ZNF143: variants seen among roughly 807,000 people sequenced by gnomAD.
ZNF143 encodes the protein SPH-binding factor.
In ZNF143, 49 loss-of-function variants were observed where a neutral mutation model predicts 74.1. The observed-to-expected ratio is 0.66, with a 90% confidence interval of 0.53 to 0.84. ZNF143 has a LOEUF of 0.84. ZNF143 is among the 40% of genes least tolerant of loss of function. The pLI, the probability that ZNF143 is intolerant of heterozygous loss-of-function variation, is 0.00. For synonymous variants in ZNF143, 304 were observed against 282.8 expected, an observed-to-expected ratio of 1.07 and a Z score of -0.75; for missense variants, 637 against 793.4, an observed-to-expected ratio of 0.80 and a Z score of 2.37.
rs144009738 is a variant in ZNF143 at position 9,500,672 on chromosome 11, G to A, written c.968-419G>A. The stretch of plus-strand genomic sequence containing the variant: ...CTGGTCAAAACACCATATTTTTAAA[G>A]AGCAAAAATTATTTTCCTGCAAGAT... On this transcript the variant is annotated intron_variant, in intron 10 of 15. Transcript: ENST00000396602. Among the ~76,000 whole-genome samples, 3 of 152,254 alleles carry A rather than the reference G, an allele frequency of 2.0e-5. No individual in the cohort carries two copies. The East Asian group carries it at 5.8e-4, about 29-fold the overall frequency.
At chr11:9,483,401 A>G (rs115009526) in intron 7 of ZNF143, among the ~76,000 whole-genome samples, 2,519 of 142,620 alleles carry the variant, frequency 0.018, 159 homozygotes, top group African/African-American at 0.063. Flanking sequence ...CAGTTCAAGC[A>G]GTTCTCCTGC....
chr11:9,489,808 A>G (rs9988896), intron 7 of ZNF143, among the ~76,000 whole-genome samples: 7,972 of 152,256 alleles, frequency 0.052, 273 homozygotes, highest in South Asian at 0.075. Flanking sequence ...GGAGTCTTCA[A>G]TTGAAATCTG....
rs1433358615 is a variant in ZNF143, at chr11:9,467,329, G to A, written c.-7-3973G>A. 9.9e-5 allele frequency among the ~76,000 whole-genome samples: 15 copies of A among 151,498 alleles called. No homozygotes were observed. The South Asian group carries it at 1.7e-3, about 17-fold the overall frequency. On this transcript the variant is annotated intron_variant, in intron 1 of 15. Transcript: ENST00000396602. ...TGGCTCACTGCTGCCTCCACCCTCCGGGTTCAAGTGATTCTCCTGCCTCAG... is the reference window on the plus strand; with the variant it reads ...TGGCTCACTGCTGCCTCCACCCTCCAGGTTCAAGTGATTCTCCTGCCTCAG...
intron 1 of ZNF143, among the ~76,000 whole-genome samples, chr11:9,465,219 C>T (rs1046165888): frequency 2.0e-5 from 3 of 152,104 alleles, no homozygotes; most frequent in East Asian, 1.9e-4. Context: ...CGGAGTCTTA[C>T]TCTGTCACCC....
At chr11:9,497,357 G>A (rs1191500057) in intron 9 of ZNF143, among the ~76,000 whole-genome samples, 1 of 152,090 alleles carries the variant, frequency 6.6e-6, no homozygotes, top group Non-Finnish European at 1.5e-5. Flanking sequence ...AGCCTCCTGA[G>A]TAGCTGGGAC....
intron 9 of ZNF143, among the ~76,000 whole-genome samples, chr11:9,496,889 C>T (rs550147525): frequency 6.6e-6 from 1 of 151,952 alleles, no homozygotes; most frequent in Non-Finnish European, 1.5e-5. Context: ...TGAGCCACTG[C>T]ACCTGGCCTG....
chr11:9,496,137 A>G (rs773293489), intron 8 of ZNF143, among the ~76,000 whole-genome samples, 166 bp from the exon 9 acceptor site: 2 of 152,244 alleles, frequency 1.3e-5, no homozygotes, highest in African/African-American at 4.8e-5. Context: ...ATTTAGGTCT[A>G]TATTGAGAAC....
intron 1 of ZNF143, among the ~76,000 whole-genome samples, chr11:9,466,798 C>T (rs2133828117): frequency 6.6e-6 from 1 of 152,002 alleles, no homozygotes; most frequent in African/African-American, 2.4e-5. Context: ...TGTTTTTAGA[C>T]TGAAACGATG....
intron 15 of ZNF143, among the ~76,000 whole-genome samples, chr11:9,526,971 C>T (rs1849152109): frequency 6.6e-6 from 1 of 152,142 alleles, no homozygotes; most frequent in African/African-American, 2.4e-5. Context: ...ACTACAGGCA[C>T]CCATCACCAC....
chr11:9,512,020 G>T (rs964004227), intron 12 of ZNF143, among the ~76,000 whole-genome samples: 2 of 152,042 alleles, frequency 1.3e-5, no homozygotes, highest in African/African-American at 4.8e-5. Flanking sequence ...CAAAGTCCTG[G>T]GATTACAGGC....
At chr11:9,473,360 C>T (rs973138272) in intron 3 of ZNF143, among the ~76,000 whole-genome samples, 5 of 147,242 alleles carry the variant, frequency 3.4e-5, no homozygotes, top group Admixed American at 1.4e-4. Context: ...CATTGCACTC[C>T]GGCCTGGGCA....
chr11:9,462,477 C>T (rs1203374798), intron 1 of ZNF143, among the ~76,000 whole-genome samples: 1 of 151,722 alleles, frequency 6.6e-6, no homozygotes, highest in East Asian at 1.9e-4. Context: ...GTGAGAGGAT[C>T]ACTTGAGCCC....
intron 11 of ZNF143, among the ~76,000 whole-genome samples, 185 bp from the exon 12 acceptor site, chr11:9,508,434 C>G (rs186402372): frequency 2.0e-5 from 3 of 152,330 alleles, no homozygotes; most frequent in Admixed American, 2.0e-4. Context: ...AAGGATCATA[C>G]TACCTTTTGA....
chr11:9,486,351 ATTATATATATAT>A (rs1847476875), intron 7 of ZNF143, among the ~76,000 whole-genome samples: 1 of 61,220 alleles, frequency 1.6e-5, no homozygotes, highest in Admixed American at 2.7e-4. Flanking sequence ...TTATATATAT[ATTATATATATAT>A]TATATATAAT....
chr11:9,486,352 TTA>T lies in ZNF143; in HGVS notation c.645+6816_645+6817del, dbSNP rs1456957189. Reference sequence around the variant, plus strand: ...AGGCGCTAATTATATTATATATATATTATATATATATTATATATAATATATTA... The same window carrying T: ...AGGCGCTAATTATATTATATATATATTATATATATTATATATAATATATTA... On this transcript the variant is annotated intron_variant, in intron 7 of 15. Transcript: ENST00000396602. Among the ~76,000 whole-genome samples, 116 of 59,212 alleles carry T rather than the reference TTA, an allele frequency of 2.0e-3. 5 individuals are homozygous for T. The highest frequency in any genetic ancestry group is 7.1e-3 in the African/African-American group (98 of 13,894). 38.8% of individuals were successfully genotyped at this position (59,212 alleles called of 152,430 possible). A position where few individuals can be genotyped will look rare whatever the true frequency, so the allele number is the denominator to read the frequency against.
At chr11:9,504,064 A>C (rs572721423) in intron 11 of ZNF143, among the ~76,000 whole-genome samples, 2 of 144,126 alleles carry the variant, frequency 1.4e-5, no homozygotes, top group Non-Finnish European at 3.0e-5. Flanking sequence ...CGTTCAAGCA[A>C]TTCTTCTGCC....
chr11:9,526,339 G>GC (rs1329325602), intron 15 of ZNF143, among the ~76,000 whole-genome samples: 1 of 152,082 alleles, frequency 6.6e-6, no homozygotes, highest in African/African-American at 2.4e-5. Flanking sequence ...GGGCAACAGA[G>GC]CGAGACCCTG....
At chr11:9,489,494 C>T (rs1847688390) in intron 7 of ZNF143, among the ~76,000 whole-genome samples, 1 of 152,136 alleles carries the variant, frequency 6.6e-6, no homozygotes, top group African/African-American at 2.4e-5. Context: ...GTCCAATACT[C>T]ATCATTGGTT....
At chr11:9,489,343 C>A (rs960431054) in intron 7 of ZNF143, among the ~76,000 whole-genome samples, 1 of 152,100 alleles carries the variant, frequency 6.6e-6, no homozygotes, top group Non-Finnish European at 1.5e-5. Flanking sequence ...ATGTCCCCAC[C>A]CCACAGGCAC....
Sources: allele counts gnomAD v4.1 joint callset (sites outside exome capture counted in the v4.1 genomes callset), GRCh38; gene constraint gnomAD v4.1.1; transcripts MANE v1.5; gene names NCBI Gene and HGNC (gene_info 2026-07-23, HGNC 2026-07-21).